Variants in MYO3B observed in about 807,000 individuals in gnomAD.
MYO3B encodes myosin IIIB, also known as myosin-IIIb.
Under a neutral mutation model 174.6 loss-of-function variants are expected in MYO3B, and 156 were observed. The ratio of observed to expected loss-of-function variants is 0.89; its 90% CI spans 0.78 to 1.02. MYO3B has a LOEUF of 1.02. Among genes scored for constraint, MYO3B ranks in the 50% least tolerant of loss-of-function variants. The probability of loss-of-function intolerance (pLI) is 0.00; values close to 1 mark genes in which losing one functional copy is unlikely to be tolerated. For synonymous variants in MYO3B, 563 were observed against 569.1 expected, an observed-to-expected ratio of 0.99 and a Z score of 0.15; for missense variants, 1,632 against 1,639.4, an observed-to-expected ratio of 1.00 and a Z score of 0.08.
intron 25 of MYO3B, among the ~76,000 whole-genome samples, chr2:170,476,581 A>T (rs1470592501): frequency 6.6e-6 from 1 of 151,980 alleles, no homozygotes; most frequent in Non-Finnish European, 1.5e-5. Context: ...CCCCTAGCAG[A>T]ACTCCTCTCA....
At chr2:170,544,025 C>A in intron 32 of MYO3B, 37 bp downstream of exon 32, 1 of 1,471,216 alleles carries the variant, frequency 6.8e-7, no homozygotes, top group South Asian at 1.2e-5. Flanking sequence ...CGGCTTCTAC[C>A]ATTTGCATGT....
intron 32 of MYO3B, among the ~76,000 whole-genome samples, chr2:170,584,832 A>T (rs893087143): frequency 1.3e-5 from 2 of 152,242 alleles, no homozygotes; most frequent in Non-Finnish European, 2.9e-5. Flanking sequence ...TTTGATTCTA[A>T]CCCATAGGAG....
At chr2:170,379,786 C>T (rs1380789956) in intron 9 of MYO3B, among the ~76,000 whole-genome samples, 3 of 152,038 alleles carry the variant, frequency 2.0e-5, no homozygotes, top group Admixed American at 1.3e-4. Context: ...TACTTTGGAC[C>T]TTTATATGAA....
At chr2:170,438,244 G>A (rs2094770776) in intron 22 of MYO3B, among the ~76,000 whole-genome samples, 1 of 152,084 alleles carries the variant, frequency 6.6e-6, no homozygotes, top group Non-Finnish European at 1.5e-5. Context: ...CCATGTTGTA[G>A]TGTATGGCAG....
At chr2:170,330,775 A>G (rs1553466974) in intron 7 of MYO3B, among the ~76,000 whole-genome samples, 3 of 152,164 alleles carry the variant, frequency 2.0e-5, no homozygotes, top group Non-Finnish European at 4.4e-5. Context: ...TGAGGCTTAT[A>G]TTTTCAAATC....
At chr2:170,278,978 T>C (rs1327710040) in intron 7 of MYO3B, among the ~76,000 whole-genome samples, 1 of 152,210 alleles carries the variant, frequency 6.6e-6, no homozygotes, top group Non-Finnish European at 1.5e-5. Context: ...TATGGCAGAA[T>C]AATATTCCAT....
rs1308457628 is a variant in MYO3B, at chr2:170,199,325, A to C, written c.120A>C (p.Lys40Asn). 6.2e-6 allele frequency: 10 copies of C among 1,613,482 alleles called. No homozygotes were observed. Among genetic ancestry groups the C allele is most frequent in the East Asian group, 2.2e-5 (1 of 44,814 alleles). Residue 40 changes from lysine to asparagine, a missense_variant, in exon 2 of 35, where the codon AAA (lysine) becomes AAC (asparagine). Physicochemically the swap from Lys to Asn is moderately conservative, Grantham distance 94. Coordinates refer to ENST00000408978, the MANE Select transcript of MYO3B (RefSeq NM_138995.5). ...IETIGKGTYG[K>N]VYKVTNKRDG... Reference sequence around the variant, plus strand: ...CCATTGGTAAAGGCACCTATGGCAAAGTCTACAAGGTAACTAACAAGAGAG... The same window carrying C: ...CCATTGGTAAAGGCACCTATGGCAACGTCTACAAGGTAACTAACAAGAGAG...
chr2:170,644,894 C>G (rs1185466761), intron 32 of MYO3B, among the ~76,000 whole-genome samples: 4 of 152,052 alleles, frequency 2.6e-5, no homozygotes. Flanking sequence ...TATAACAATT[C>G]AGAAGAGAAA....
chr2:170,268,793 A>G (rs1198764594), intron 7 of MYO3B, among the ~76,000 whole-genome samples: 1 of 152,160 alleles, frequency 6.6e-6, no homozygotes, highest in African/African-American at 2.4e-5. Flanking sequence ...ATATATAAAT[A>G]ACTTCTTCAA....
At chr2:170,542,858 T>C in intron 30 of MYO3B, 48 bp from the exon 31 acceptor site, 1 of 1,409,938 alleles carries the variant, frequency 7.1e-7, no homozygotes. Context: ...AGTTTTTCTA[T>C]TATTATTTTC....
intron 7 of MYO3B, among the ~76,000 whole-genome samples, chr2:170,323,481 T>C (rs2093843748): frequency 6.6e-6 from 1 of 152,178 alleles, no homozygotes; most frequent in South Asian, 2.1e-4. Flanking sequence ...CCCATTAATA[T>C]GATATAAAAT....
intron 11 of MYO3B, 21 bp from the exon 12 acceptor site, chr2:170,383,689 C>T: frequency 1.3e-6 from 2 of 1,585,184 alleles, no homozygotes; most frequent in Non-Finnish European, 1.7e-6. Context: ...GGAGAGTTTC[C>T]TTTAATTATT....
chr2:170,391,505 C>A lies in MYO3B; in HGVS notation c.1578-15C>A, dbSNP rs772866849. On this transcript the variant is annotated splice_polypyrimidine_tract_variant and intron_variant, in intron 14 of 34. Coordinates refer to ENST00000408978, the MANE Select transcript of MYO3B (RefSeq NM_138995.5). ...AGCCAGAATATATTATTACTAAAGT[C>A]TCTTTTTTTTTCAGGAGAGAGAAAA... The A allele has an allele frequency of 7.9e-7, 1 of 1,268,894 alleles. No individual in the cohort carries two copies. Among genetic ancestry groups the A allele is most frequent in the South Asian group, 1.4e-5 (1 of 69,950 alleles). 78.6% of individuals were successfully genotyped at this position (1,268,894 alleles called of 1,614,324 possible).
At chr2:170,312,908 C>A (rs190235330) in intron 7 of MYO3B, among the ~76,000 whole-genome samples, 5 of 152,084 alleles carry the variant, frequency 3.3e-5, no homozygotes, top group Non-Finnish European at 5.9e-5. Flanking sequence ...CACCTACATA[C>A]CTGCAAATGT....
At chr2:170,298,761 A>G (rs960702246) in intron 7 of MYO3B, among the ~76,000 whole-genome samples, 11 of 151,732 alleles carry the variant, frequency 7.2e-5, no homozygotes, top group African/African-American at 2.7e-4. Flanking sequence ...GAGAGGCTGC[A>G]CTGGGCTCTA....
At chr2:170,625,314 T>A (rs1354964858) in intron 32 of MYO3B, among the ~76,000 whole-genome samples, 5 of 152,104 alleles carry the variant, frequency 3.3e-5, no homozygotes, top group South Asian at 2.1e-4. Context: ...TGTGTGGAGG[T>A]ATTTATCCAT....
At chr2:170,398,236 A>G (rs914468192) in intron 16 of MYO3B, among the ~76,000 whole-genome samples, 8 of 150,898 alleles carry the variant, frequency 5.3e-5, no homozygotes, top group Non-Finnish European at 1.2e-4. Context: ...AAGAAAAAAA[A>G]AAAAAAAAAA....
intron 30 of MYO3B, among the ~76,000 whole-genome samples, chr2:170,520,515 A>G (rs1222704472): frequency 4.0e-5 from 6 of 151,878 alleles, no homozygotes; most frequent in Non-Finnish European, 7.4e-5. Flanking sequence ...ACACACACAT[A>G]TATATATAAT....
Position 170,646,543 on chromosome 2 carries a change from T to C in MYO3B, c.3734-5085T>C, listed in dbSNP as rs916178340. On this transcript the variant is annotated intron_variant, in intron 32 of 34. Coordinates refer to ENST00000408978, the MANE Select transcript of MYO3B (RefSeq NM_138995.5). ...CGGAGTAGTTGGGACCATAGGTGCA[T>C]GCCAACATGCCTGGCTAATTTTTTG... 5.8e-4 allele frequency among the ~76,000 whole-genome samples: 88 copies of C among 151,910 alleles called. 2 individuals are homozygous for C. The highest frequency in any genetic ancestry group is 5.8e-3 in the Admixed American group (88 of 15,248).
Sources: gnomAD v4.1 joint callset for allele counts (sites outside exome capture counted in the v4.1 genomes callset) on GRCh38, gnomAD v4.1.1 for gene constraint, MANE v1.5 for transcripts, NCBI Gene and HGNC (gene_info 2026-07-23, HGNC 2026-07-21) for gene names.